JAKMIP2: variants seen among roughly 807,000 people sequenced by gnomAD.
The protein encoded by JAKMIP2 is janus kinase and microtubule-interacting protein 2.
Under a neutral mutation model 115.0 loss-of-function variants are expected in JAKMIP2, and 25 were observed. The observed-to-expected ratio is 0.22, with a 90% CI of 0.16 to 0.30. The LOEUF (loss-of-function observed/expected upper bound fraction) is 0.30. Ranked by LOEUF, JAKMIP2 falls within the 10% of genes least tolerant of loss-of-function variation. The probability of loss-of-function intolerance (pLI) is 1.00; values close to 1 mark genes in which losing one functional copy is unlikely to be tolerated. For missense variants in JAKMIP2, 642 were observed against 957.6 expected (o/e 0.67, Z 4.35); for synonymous variants, 334 against 343.6 (o/e 0.97, Z 0.31).
chr5:147,639,866 GTTTAACAGTCTATTTGAT>G, intron 9 of JAKMIP2, 106 bp from the exon 10 acceptor site: 1 of 1,316,662 alleles, frequency 7.6e-7, no homozygotes, highest in Non-Finnish European at 1.0e-6. Flanking sequence ...GTAAAAGGTT[GTTTAACAGTCTATTTGAT>G]TTTATTTTTA....
intron 4 of JAKMIP2, 106 bp from the exon 5 acceptor site, chr5:147,648,580 G>A: frequency 1.5e-6 from 1 of 660,828 alleles, no homozygotes; most frequent in Non-Finnish European, 2.7e-6. Context: ...CTCTTATCTG[G>A]CTCCTGAAGT....
At chr5:147,693,252 C>T (rs1381733321) in intron 1 of JAKMIP2, among the ~76,000 whole-genome samples, 1 of 152,310 alleles carries the variant, frequency 6.6e-6, no homozygotes, top group East Asian at 1.9e-4. Flanking sequence ...TGTTACTTAA[C>T]ATCTCTCTGC....
chr5:147,611,418 G>C (rs1221015687), intron 20 of JAKMIP2, among the ~76,000 whole-genome samples: 1 of 152,136 alleles, frequency 6.6e-6, no homozygotes. Context: ...GTCCCTCATG[G>C]CTTCCCTTGG....
At chr5:147,688,265 G>A (rs1760667414) in intron 1 of JAKMIP2, among the ~76,000 whole-genome samples, 1 of 152,118 alleles carries the variant, frequency 6.6e-6, no homozygotes, top group African/African-American at 2.4e-5. Context: ...TAATCGCTTA[G>A]GGCTTTTCAC....
At chr5:147,709,148 TAAA>T in intron 1 of JAKMIP2, among the ~76,000 whole-genome samples, 1 of 152,332 alleles carries the variant, frequency 6.6e-6, no homozygotes, top group Non-Finnish European at 1.5e-5. Context: ...ATAAATGACA[TAAA>T]TAGATTTACG....
At chr5:147,761,458 T>G (rs755635239) in intron 1 of JAKMIP2, among the ~76,000 whole-genome samples, 5 of 152,118 alleles carry the variant, frequency 3.3e-5, no homozygotes, top group Non-Finnish European at 7.4e-5. Flanking sequence ...AGCAAGTCAG[T>G]TACCTGAGAT....
At chr5:147,621,940 T>A (rs1003701253) in intron 17 of JAKMIP2, among the ~76,000 whole-genome samples, 15 of 152,204 alleles carry the variant, frequency 9.9e-5, no homozygotes, top group African/African-American at 3.1e-4. Context: ...CGATCTCGGC[T>A]CACTGCAAAC....
chr5:147,654,781 G>A (rs773106242), intron 3 of JAKMIP2, among the ~76,000 whole-genome samples: 2 of 152,144 alleles, frequency 1.3e-5, no homozygotes, highest in Non-Finnish European at 2.9e-5. Flanking sequence ...GGGCATCCTT[G>A]TCTTGTGCTG....
chr5:147,756,865 A>T (rs1186730434), intron 1 of JAKMIP2, among the ~76,000 whole-genome samples: 2 of 152,216 alleles, frequency 1.3e-5, no homozygotes, highest in Non-Finnish European at 2.9e-5. Flanking sequence ...AACAGAGGAC[A>T]TGAAAAATCA....
At chr5:147,600,444 AG>A (rs1755638128) in intron 21 of JAKMIP2, among the ~76,000 whole-genome samples, 1 of 152,092 alleles carries the variant, frequency 6.6e-6, no homozygotes, top group Admixed American at 6.6e-5. Context: ...ATACCTATGG[AG>A]GGAGAAAGTG....
chr5:147,733,729 C>G (rs765473824), intron 1 of JAKMIP2, among the ~76,000 whole-genome samples: 20 of 152,148 alleles, frequency 1.3e-4, no homozygotes, highest in Non-Finnish European at 2.4e-4. Context: ...GTTTTCTGCT[C>G]CTGTGTCAGT....
intron 2 of JAKMIP2, among the ~76,000 whole-genome samples, chr5:147,666,985 C>A (rs1235237661): frequency 1.3e-5 from 2 of 151,934 alleles, no homozygotes; most frequent in Admixed American, 1.3e-4. Flanking sequence ...TATAAAAGTA[C>A]CCATATCATC....
chr5:147,780,808 T>C (rs1376518770), intron 1 of JAKMIP2, among the ~76,000 whole-genome samples: 5 of 152,164 alleles, frequency 3.3e-5, no homozygotes, highest in Non-Finnish European at 5.9e-5. Flanking sequence ...GATGCAAGAC[T>C]AAAGACCCAA....
intron 1 of JAKMIP2, among the ~76,000 whole-genome samples, chr5:147,776,057 G>C (rs1755542714): frequency 6.6e-6 from 1 of 152,152 alleles, no homozygotes; most frequent in Non-Finnish European, 1.5e-5. Flanking sequence ...AGTTTAAGAA[G>C]AGTCAACCAT....
chr5:147,634,236 A>C (rs1203872817), intron 12 of JAKMIP2, among the ~76,000 whole-genome samples: 1 of 152,196 alleles, frequency 6.6e-6, no homozygotes, highest in Non-Finnish European at 1.5e-5. Context: ...ATTTATTCTT[A>C]GAAGCCTGAG....
intron 1 of JAKMIP2, among the ~76,000 whole-genome samples, chr5:147,730,689 C>T (rs1244607275): frequency 2.6e-5 from 4 of 152,112 alleles, no homozygotes; most frequent in Non-Finnish European, 5.9e-5. Context: ...CTCCTGACCT[C>T]ATGAGCCGCC....
At chr5:147,695,683 A>T (rs1233404788) in intron 1 of JAKMIP2, among the ~76,000 whole-genome samples, 5 of 136,582 alleles carry the variant, frequency 3.7e-5, no homozygotes, top group African/African-American at 1.5e-4. Context: ...TGTGTGAGAG[A>T]GAGAGACAGA....
At chr5:147,777,915 G>A (rs1299436976) in intron 1 of JAKMIP2, among the ~76,000 whole-genome samples, 1 of 152,132 alleles carries the variant, frequency 6.6e-6, no homozygotes, top group Non-Finnish European at 1.5e-5. Context: ...TCAGAAAAAT[G>A]TAGGAGAATT....
chr5:147,722,447 C>A (rs1009164440), intron 1 of JAKMIP2, among the ~76,000 whole-genome samples: 1 of 152,106 alleles, frequency 6.6e-6, no homozygotes, highest in Non-Finnish European at 1.5e-5. Context: ...CAGCTTTTTC[C>A]TAAAAATTCC....
Sources: gnomAD v4.1 joint callset for allele counts (sites outside exome capture counted in the v4.1 genomes callset) on GRCh38, gnomAD v4.1.1 for gene constraint, MANE v1.5 for transcripts, NCBI Gene and HGNC (gene_info 2026-07-23, HGNC 2026-07-21) for gene names.